Variants in PPP4R3A observed in about 807,000 individuals in gnomAD.
PPP4R3A encodes serine/threonine-protein phosphatase 4 regulatory subunit 3A.
A neutral mutation model predicts 91.7 loss-of-function variants in PPP4R3A; 15 were observed. That is an observed-to-expected ratio of 0.16 (90% CI 0.11 to 0.25). PPP4R3A has a LOEUF of 0.25. Among genes scored for constraint, PPP4R3A ranks in the 10% least tolerant of loss-of-function variants. The pLI is 1.00. For missense variants in PPP4R3A, 623 were observed against 998.4 expected, an observed-to-expected ratio of 0.62 and a Z score of 5.07; for synonymous variants, 377 against 348.7, an observed-to-expected ratio of 1.08 and a Z score of -0.91.
intron 12 of PPP4R3A, 44 bp downstream of exon 12, chr14:91,462,691 C>T (rs573233516): frequency 3.5e-5 from 56 of 1,607,368 alleles, no homozygotes; most frequent in South Asian, 2.2e-4. Context: ...CACTACCATA[C>T]GACTTGATGC....
chr14:91,481,957 A>G lies in PPP4R3A; in HGVS notation c.534T>C (p.His178=), dbSNP rs772959453. ...CAATATTTTCCAAATCTTCACACAC[A>G]TGAAAAAGCTCCAGGAGCTTTTTAA... ...GYIKKLLELF[H]VCEDLENIEG... Residue 178 remains histidine, a synonymous_variant, in exon 4 of 15, where the codon CAT becomes CAC. Coordinates refer to ENST00000554943, the MANE Select transcript of PPP4R3A (RefSeq NM_001366432.2). 5.6e-6 allele frequency: 9 copies of G among 1,614,072 alleles called. No individual in the cohort carries two copies. The highest frequency in any genetic ancestry group is 2.5e-6 in the Non-Finnish European group (3 of 1,180,004).
chr14:91,500,479 C>G (rs1890879119), intron 1 of PPP4R3A, among the ~76,000 whole-genome samples: 1 of 152,086 alleles, frequency 6.6e-6, no homozygotes. Context: ...GGATTACAAG[C>G]TGAGCCACCG....
At chr14:91,504,148 C>A (rs770070416) in intron 1 of PPP4R3A, among the ~76,000 whole-genome samples, 2 of 149,482 alleles carry the variant, frequency 1.3e-5, no homozygotes, top group Non-Finnish European at 3.0e-5. Context: ...AAGACCCACC[C>A]CCTTCCATCT....
At chr14:91,489,398 C>A (rs1296991286) in intron 2 of PPP4R3A, among the ~76,000 whole-genome samples, 1 of 152,212 alleles carries the variant, frequency 6.6e-6, no homozygotes, top group East Asian at 1.9e-4. Context: ...TATTCAGAAT[C>A]ACTTTGTGGC....
intron 14 of PPP4R3A, 90 bp from the exon 15 acceptor site, chr14:91,458,959 A>ACCAACATAGTAACGGTGGTTATTT: frequency 7.1e-7 from 1 of 1,399,644 alleles, no homozygotes; most frequent in Non-Finnish European, 9.5e-7. Flanking sequence ...AATAGATCCT[A>ACCAACATAGTAACGGTGGTTATTT]CCAACATAGT....
rs10542688 is a variant in PPP4R3A at position 91,497,341 on chromosome 14, TACACACACACACACACACAC to T, written c.143-6559_143-6540del. 1.5e-3 allele frequency among the ~76,000 whole-genome samples: 217 copies of T among 148,516 alleles called. 1 individual carries two copies. Among genetic ancestry groups the T allele is most frequent in the African/African-American group, 2.6e-3 (106 of 40,110 alleles). On this transcript the variant is annotated intron_variant, in intron 1 of 14. Transcript: ENST00000554943. Reference sequence around the variant, plus strand: ...TATCTCCCAAGAGGAATCTTTTATTTACACACACACACACACACACACACACACACACACACACGATACCT... The same window carrying T: ...TATCTCCCAAGAGGAATCTTTTATTTACACACACACACACACACGATACCT...
chr14:91,482,954 C>A (rs1212479548), intron 3 of PPP4R3A, among the ~76,000 whole-genome samples: 1 of 152,174 alleles, frequency 6.6e-6, no homozygotes, highest in Non-Finnish European at 1.5e-5. Context: ...GGTTAAGTAA[C>A]CAAACCACGA....
At chr14:91,505,191 G>A (rs1253889014) in intron 1 of PPP4R3A, among the ~76,000 whole-genome samples, 1 of 152,012 alleles carries the variant, frequency 6.6e-6, no homozygotes. Flanking sequence ...GGTGGCTCAC[G>A]CCTGTAATCC....
At chr14:91,473,495 G>GT (rs1442193418) in intron 7 of PPP4R3A, 125 bp from the exon 8 acceptor site, 2 of 961,798 alleles carry the variant, frequency 2.1e-6, no homozygotes. Context: ...AAAGTGAAAT[G>GT]TTTAACTCAG....
At chr14:91,496,152 TCTGGGTAGGATAGTGA>T (rs2140146180) in intron 1 of PPP4R3A, among the ~76,000 whole-genome samples, 1 of 152,310 alleles carries the variant, frequency 6.6e-6, no homozygotes, top group African/African-American at 2.4e-5. Context: ...AGCAGTTTTC[TCTGGGTAGGATAGTGA>T]CTGGGGAGGA....
In PPP4R3A at chr14:91,481,674, T is replaced by C. The variant is rs754591155; in HGVS notation, c.817A>G (p.Met273Val). ...AAGACCGAAGGAGTTGGTAGAACCATATCTTGTATATACTGAACTCTGTAT... is the reference window on the plus strand; with the variant it reads ...AAGACCGAAGGAGTTGGTAGAACCACATCTTGTATATACTGAACTCTGTAT... ...QTYRVQYIQD[M>V]VLPTPSVFEE... Residue 273 changes from methionine (M) to valine (V), a missense_variant, in exon 4 of 15, where the codon ATG (methionine) becomes GTG (valine). Met to Val is a conservative substitution (Grantham distance 21). Coordinates refer to ENST00000554943, the MANE Select transcript of PPP4R3A (RefSeq NM_001366432.2). 6.2e-7 allele frequency: 1 copy of C among 1,613,404 alleles called. No homozygotes were observed. Among genetic ancestry groups the C allele is most frequent in the Non-Finnish European group, 8.5e-7 (1 of 1,179,900 alleles).
chr14:91,480,827 G>A (rs1383367798), intron 4 of PPP4R3A, among the ~76,000 whole-genome samples: 1 of 152,122 alleles, frequency 6.6e-6, no homozygotes, highest in Non-Finnish European at 1.5e-5. Context: ...CTTGAAGCCA[G>A]GAGTTTGAGA....
At position 91,473,324 on chromosome 14, in the gene PPP4R3A, G is replaced by C; in HGVS notation, c.1313C>G (p.Thr438Arg). The change falls in exon 8 of 15, where the codon ACA becomes AGA. Residue 438 changes from threonine to arginine, a missense_variant. By Grantham distance (71) the Thr-to-Arg change is moderately conservative. Around this residue, in one of 5 missense-constraint regions of PPP4R3A, gnomAD observed 264 missense variants for 377.3 expected, o/e 0.70. Transcript: ENST00000554943. The part of the protein sequence containing the change: ...NLIIEHMICD[T>R]DPELGGAVQL... ...GACTGCTCCTCCAAGTTCAGGATCT[G>C]TATCACAAATCATATGTTCTATAAT... 6.2e-7 allele frequency: 1 copy of C among 1,614,034 alleles called. No homozygotes were observed. Among genetic ancestry groups the C allele is most frequent in the Non-Finnish European group, 8.5e-7 (1 of 1,180,008 alleles).
Position 91,507,542 on chromosome 14 carries a change from A to G in PPP4R3A, c.142+1964T>C, listed in dbSNP as rs188586359. On this transcript the variant is annotated intron_variant, in intron 1 of 14. Coordinates refer to ENST00000554943, the MANE Select transcript of PPP4R3A (RefSeq NM_001366432.2). ...TATACTATAGTTATATATACTATAT[A>G]TTATATATAGTTATATATACTATAT... Among the ~76,000 whole-genome samples, 354 of 106,904 alleles carry G rather than the reference A, an allele frequency of 3.3e-3. 7 individuals carry two copies. Among genetic ancestry groups the G allele is most frequent in the African/African-American group, 0.013 (332 of 26,376 alleles). The allele number at this position is 106,904 out of a possible 152,430, so 70.1% of individuals were successfully genotyped here.
intron 5 of PPP4R3A, 44 bp from the exon 6 acceptor site, chr14:91,476,568 A>G: frequency 7.8e-7 from 1 of 1,275,704 alleles, no homozygotes. Flanking sequence ...AGTTTATTTT[A>G]TTTATTTATT....
chr14:91,509,921 C>A lies in PPP4R3A; in HGVS notation c.-274G>T. ...CGGCAGCCCCGAGGGGGCCGCGCAG[C>A]GCTTCGTAGCCTCCCGCCCCGCAGC... is the stretch of plus-strand genomic sequence containing the variant. On this transcript the variant is annotated 5_prime_UTR_variant, in exon 1 of 15. Transcript: ENST00000554943. The A allele has an allele frequency of 9.5e-7, 1 of 1,049,142 alleles. No individual in the cohort carries two copies. 65.0% of individuals were successfully genotyped at this position (1,049,142 alleles called of 1,614,324 possible). A position where few individuals can be genotyped will look rare whatever the true frequency, so the allele number is the denominator to read the frequency against.
intron 4 of PPP4R3A, among the ~76,000 whole-genome samples, chr14:91,477,812 C>A (rs1203856583): frequency 6.6e-6 from 1 of 152,198 alleles, no homozygotes; most frequent in South Asian, 2.1e-4. Flanking sequence ...CTACACCCAG[C>A]TAATTTTTGT....
intron 10 of PPP4R3A, among the ~76,000 whole-genome samples, chr14:91,466,964 C>CACACACACACACA (rs1555434439): frequency 4.0e-5 from 6 of 150,416 alleles, no homozygotes; most frequent in Admixed American, 6.6e-5. Flanking sequence ...CACACACACA[C>CACACACACACACA]CCCTCTTGTC....
At chr14:91,470,217 T>A (rs1888755488) in intron 10 of PPP4R3A, among the ~76,000 whole-genome samples, 1 of 152,200 alleles carries the variant, frequency 6.6e-6, no homozygotes, top group Non-Finnish European at 1.5e-5. Flanking sequence ...GATGTCTGGC[T>A]GCTGCTTGAT....
Sources: allele counts gnomAD v4.1 joint callset (sites outside exome capture counted in the v4.1 genomes callset), GRCh38; gene constraint gnomAD v4.1.1; regional missense constraint gnomAD v4.1.1; transcripts MANE v1.5; gene names NCBI Gene and HGNC (gene_info 2026-07-23, HGNC 2026-07-21).